Variants in MFHAS1 observed in about 807,000 individuals in gnomAD.
MFHAS1 encodes the protein malignant fibrous histiocytoma-amplified sequence 1.
Under a neutral mutation model 70.4 loss-of-function variants are expected in MFHAS1, and 50 were observed. The ratio of observed to expected loss-of-function variants is 0.71; its 90% CI spans 0.57 to 0.90. The LOEUF is 0.90. MFHAS1 is among the 40% of genes least tolerant of loss of function. MFHAS1 has a pLI of 0.00. For synonymous variants in MFHAS1, 952 were observed against 620.0 expected (o/e 1.54, Z -7.96); for missense variants, 1,795 against 1,347.6 (o/e 1.33, Z -5.20).
Position 8,814,288 on chromosome 8 carries a change from G to C in MFHAS1, c.2999-16797C>G, listed in dbSNP as rs986555144. ...TTTGATTGTACCTTTTCTAAGGTTA[G>C]ATGCACAAATACTTACCATCGTTGT... On this transcript the variant is annotated intron_variant, in intron 1 of 2. Coordinates refer to ENST00000276282, the MANE Select transcript of MFHAS1 (RefSeq NM_004225.3). 4.6e-5 allele frequency among the ~76,000 whole-genome samples: 7 copies of C among 152,124 alleles called. No homozygotes were observed. In the South Asian group the frequency reaches 1.0e-3, roughly 23 times the overall value.
chr8:8,859,242 G>T (rs1285492846), intron 1 of MFHAS1, among the ~76,000 whole-genome samples: 1 of 152,190 alleles, frequency 6.6e-6, no homozygotes, highest in Non-Finnish European at 1.5e-5. Context: ...CACCTGGGAG[G>T]CTGAGGCAGG....
At chr8:8,882,689 C>T (rs558673915) in intron 1 of MFHAS1, among the ~76,000 whole-genome samples, 1 of 152,334 alleles carries the variant, frequency 6.6e-6, no homozygotes, top group Admixed American at 6.5e-5. Context: ...CCCCTTCTAC[C>T]TGATCTGCCC....
intron 1 of MFHAS1, among the ~76,000 whole-genome samples, chr8:8,881,946 C>T (rs396121): frequency 0.033 from 5,091 of 152,232 alleles, 126 homozygotes; most frequent in East Asian, 0.13. Flanking sequence ...TGCACATTTG[C>T]ATCCTGCTGC....
At chr8:8,853,909 T>C (rs1333823834) in intron 1 of MFHAS1, among the ~76,000 whole-genome samples, 3 of 152,214 alleles carry the variant, frequency 2.0e-5, no homozygotes, top group Admixed American at 6.5e-5. Flanking sequence ...AAATGGTCCA[T>C]ACTCACTAAC....
At chr8:8,876,420 A>C (rs1809294291) in intron 1 of MFHAS1, among the ~76,000 whole-genome samples, 1 of 152,120 alleles carries the variant, frequency 6.6e-6, no homozygotes, top group African/African-American at 2.4e-5. Flanking sequence ...GACAAACTCA[A>C]ATGATGATAA....
chr8:8,808,182 A>T (rs1466181473), intron 1 of MFHAS1, among the ~76,000 whole-genome samples: 1 of 144,332 alleles, frequency 6.9e-6, no homozygotes, highest in African/African-American at 2.6e-5. Flanking sequence ...TCCCCTGGGA[A>T]CCCTCCTCTG....
chr8:8,889,427 G>C (rs1809900472), intron 1 of MFHAS1, among the ~76,000 whole-genome samples: 1 of 152,098 alleles, frequency 6.6e-6, no homozygotes, highest in South Asian at 2.1e-4. Context: ...ATTTTCTCTG[G>C]AATTTCTTAA....
In MFHAS1 at chr8:8,891,360, C is replaced by T. The variant is rs754368078; in HGVS notation, c.1699G>A (p.Glu567Lys). 1.9e-6 allele frequency: 3 copies of T among 1,611,196 alleles called. No homozygotes were observed. Among genetic ancestry groups the T allele is most frequent in the Non-Finnish European group, 2.5e-6 (3 of 1,180,022 alleles). The change falls in exon 1 of 3, where the codon GAG (glutamate) becomes AAG (lysine). Residue 567 changes from glutamate to lysine, a missense_variant. Transcript: ENST00000276282. The surrounding 1 kb of genome is among the most constrained non-coding windows in gnomAD (Gnocchi z 5.4). Reference protein sequence around the residue: ...QIALQEKHDAEGLSRLAKVVD... With the variant: ...QIALQEKHDAKGLSRLAKVVD... ...ACCTTGGCCAAGCGGCTCAGTCCCTCCGCGTCGTGCTTCTCCTGCAGGGCG... is the reference window on the plus strand; with the variant it reads ...ACCTTGGCCAAGCGGCTCAGTCCCTTCGCGTCGTGCTTCTCCTGCAGGGCG...
At chr8:8,881,366 T>G (rs954685002) in intron 1 of MFHAS1, among the ~76,000 whole-genome samples, 1 of 152,086 alleles carries the variant, frequency 6.6e-6, no homozygotes, top group Non-Finnish European at 1.5e-5. Flanking sequence ...TCATATAGAG[T>G]ACACATGCAA....
chr8:8,823,026 A>AG (rs1031531447), intron 1 of MFHAS1, among the ~76,000 whole-genome samples: 5 of 152,100 alleles, frequency 3.3e-5, no homozygotes, highest in African/African-American at 1.2e-4. Flanking sequence ...ACCGGGAAGG[A>AG]GAGACAGAGG....
intron 1 of MFHAS1, among the ~76,000 whole-genome samples, chr8:8,874,154 G>T (rs1239891931): frequency 6.6e-6 from 1 of 152,134 alleles, no homozygotes; most frequent in Non-Finnish European, 1.5e-5. Context: ...AGCACAGAGA[G>T]GGATTATTAA....
Position 8,875,600 on chromosome 8 carries a change from T to C in MFHAS1, c.2998+14461A>G, listed in dbSNP as rs1432855659. The stretch of plus-strand genomic sequence containing the variant: ...TTTTTCTTCTACTCTCCAAATTTTT[T>C]ATGTTTTTTTGAGTCAGTCTCGCTC... On this transcript the variant is annotated intron_variant, in intron 1 of 2. Coordinates refer to ENST00000276282, the MANE Select transcript of MFHAS1 (RefSeq NM_004225.3). Among the ~76,000 whole-genome samples the C allele has an allele frequency of 3.3e-5, 5 of 152,278 alleles. No homozygotes were observed. The East Asian group carries it at 9.7e-4, about 29-fold the overall frequency.
chr8:8,812,813 T>C (rs1381491874), intron 1 of MFHAS1, among the ~76,000 whole-genome samples: 7 of 19,226 alleles, frequency 3.6e-4, no homozygotes, highest in Non-Finnish European at 5.6e-4. Context: ...TCACCCAGGC[T>C]TAGAGTGCAG....
chr8:8,890,704 G>A lies in MFHAS1; in HGVS notation c.2355C>T (p.Leu785=). The change falls in exon 1 of 3, where the codon CTC becomes CTT. Residue 785 remains leucine (L), a synonymous_variant. Transcript: ENST00000276282. The part of the protein sequence containing the change: ...PSQELLRATQ[L]HQYVEGFLLH... The stretch of plus-strand genomic sequence containing the variant: ...ACAGAAAGCCCTCCACATACTGATG[G>A]AGCTGGGTGGCCCGGAGCAGTTCCT... 1 of 1,613,674 alleles carries A rather than the reference G, an allele frequency of 6.2e-7. No homozygotes were observed. The highest frequency in any genetic ancestry group is 8.5e-7 in the Non-Finnish European group (1 of 1,179,744).
chr8:8,874,156 G>T (rs1480813453), intron 1 of MFHAS1, among the ~76,000 whole-genome samples: 1 of 152,082 alleles, frequency 6.6e-6, no homozygotes, highest in Non-Finnish European at 1.5e-5. Flanking sequence ...CACAGAGAGG[G>T]ATTATTAACC....
At chr8:8,790,299 TTCTC>T (rs745410138) in intron 2 of MFHAS1, 4 of 855,362 alleles carry the variant, frequency 4.7e-6, no homozygotes, top group Non-Finnish European at 5.6e-6. Flanking sequence ...ATTTAAGAAA[TTCTC>T]TCTGTTTCAC....
intron 1 of MFHAS1, among the ~76,000 whole-genome samples, chr8:8,825,312 A>G (rs144285594): frequency 7.0e-4 from 106 of 152,304 alleles, no homozygotes; most frequent in African/African-American, 2.4e-3. Flanking sequence ...AGCTAGGATT[A>G]CAGGTGTGCG....
At chr8:8,843,762 T>C (rs576199498) in intron 1 of MFHAS1, among the ~76,000 whole-genome samples, 16 of 152,224 alleles carry the variant, frequency 1.1e-4, no homozygotes, top group African/African-American at 3.9e-4. Flanking sequence ...CCCATAAACA[T>C]CAGCGAACTC....
At chr8:8,805,959 C>A (rs1375969839) in intron 1 of MFHAS1, among the ~76,000 whole-genome samples, 1 of 152,168 alleles carries the variant, frequency 6.6e-6, no homozygotes, top group Admixed American at 6.5e-5. Flanking sequence ...CTTGGCCTCC[C>A]AAAGTGCTGG....
Sources: gnomAD v4.1 joint callset for allele counts (sites outside exome capture counted in the v4.1 genomes callset) on GRCh38, gnomAD v4.1.1 for gene constraint, Gnocchi (gnomAD v3.1) non-coding constraint, MANE v1.5 for transcripts, NCBI Gene and HGNC (gene_info 2026-07-23, HGNC 2026-07-21) for gene names.